C1orf54: variants seen among roughly 807,000 people sequenced by gnomAD.
C1orf54 encodes the protein uncharacterized protein C1orf54.
A neutral mutation model predicts 14.7 loss-of-function variants in C1orf54; 12 were observed. That is an observed-to-expected ratio of 0.82 (90% CI 0.52 to 1.32). C1orf54 has a LOEUF of 1.32. Among genes scored for constraint, C1orf54 ranks in the 40% most tolerant of loss-of-function variants. C1orf54 has a pLI of 0.00. For missense variants in C1orf54, 163 were observed against 162.2 expected (o/e 1.00, Z -0.03); for synonymous variants, 65 against 56.3 (o/e 1.16, Z -0.70).
intron 3 of C1orf54, 129 bp from the exon 4 acceptor site, chr1:150,276,393 G>A (rs1003787393): frequency 1.1e-5 from 8 of 702,340 alleles, no homozygotes; most frequent in East Asian, 2.6e-5. Flanking sequence ...AGGGTAGGGG[G>A]GAATCCCTGA....
rs74968977 is a variant in C1orf54, at chr1:150,276,557, G to C, written c.225G>C (p.Glu75Asp). 1.9e-6 allele frequency: 3 copies of C among 1,614,110 alleles called. No homozygotes were observed. In the African/African-American group the frequency reaches 4.0e-5, roughly 22 times the overall value. ...RLDKDITEAI[E>D]TTISLETARA... ...ATAAGGACATAACAGAAGCAATAGA[G>C]ACTACCATTAGTCTTGAAACAGCAC... Residue 75 changes from glutamate (E) to aspartate (D), a missense_variant, in exon 4 of 6, where the codon GAG (glutamate) becomes GAC (aspartate). Physicochemically the swap from Glu to Asp is conservative, Grantham distance 45. Coordinates refer to ENST00000369099, the MANE Select transcript of C1orf54 (RefSeq NM_024579.4).
chr1:150,276,973 G>T (rs1309325857), intron 4 of C1orf54, among the ~76,000 whole-genome samples: 5 of 152,112 alleles, frequency 3.3e-5, no homozygotes, highest in African/African-American at 7.2e-5. Context: ...GAAACACTTA[G>T]AACAAAATGA....
At position 150,272,971 on chromosome 1, in the gene C1orf54, T is replaced by TAA; in HGVS notation, c.46+109_46+110insAA. 7.2e-6 allele frequency: 9 copies of TAA among 1,248,286 alleles called. No homozygotes were observed. The South Asian group carries it at 9.8e-5, about 14-fold the overall frequency. 77.3% of individuals were successfully genotyped at this position (1,248,286 alleles called of 1,614,324 possible). A position where few individuals can be genotyped will look rare whatever the true frequency, so the allele number is the denominator to read the frequency against. On this transcript the variant is annotated intron_variant, in intron 1 of 5. Transcript: ENST00000369099. Reference sequence around the variant, plus strand: ...AGAGGTACATTTCAGTGGGGAGCGATAGAGTTTTCTCATCGTGCTGGGGTC... The same window carrying TAA: ...AGAGGTACATTTCAGTGGGGAGCGATAAAGAGTTTTCTCATCGTGCTGGGGTC...
At chr1:150,268,959 G>C (rs200241539), upstream of C1orf54, 140 of 641,730 alleles carry the variant, frequency 2.2e-4, 1 homozygote, top group South Asian at 1.5e-3. Flanking sequence ...AAGGGGAAGG[G>C]GGGGAACCGA....
intron 5 of C1orf54, 62 bp downstream of exon 5, chr1:150,279,803 C>G (rs1652953602): frequency 7.3e-7 from 1 of 1,368,068 alleles, no homozygotes; most frequent in African/African-American, 1.4e-5. Context: ...ACTTCCCACA[C>G]TAAACCGAAG....
In C1orf54 at chr1:150,272,809, G is replaced by C. The variant is rs781858299; in HGVS notation, c.-9G>C. 1 of 1,614,118 alleles carries C rather than the reference G, an allele frequency of 6.2e-7. No homozygotes were observed. The highest frequency in any genetic ancestry group is 1.1e-5 in the South Asian group (1 of 91,092). Reference sequence around the variant, plus strand: ...TTTTTACTTTCACAGCAATAGTGCAGAATCCAGAATGGATGTCCTCTTTGT... The same window carrying C: ...TTTTTACTTTCACAGCAATAGTGCACAATCCAGAATGGATGTCCTCTTTGT... On this transcript the variant is annotated 5_prime_UTR_variant, in exon 1 of 6. Transcript: ENST00000369099.
chr1:150,273,975 G>T, intron 1 of C1orf54, 112 bp from the exon 2 acceptor site: 1 of 711,700 alleles, frequency 1.4e-6, no homozygotes. Flanking sequence ...GAGAGAGAGA[G>T]AGAAAAGAAA....
chr1:150,279,717 G>A lies in C1orf54; in HGVS notation c.375G>A (p.Gln125=), dbSNP rs1652947724. 3 of 1,612,728 alleles carry A rather than the reference G, an allele frequency of 1.9e-6. No homozygotes were observed. Among genetic ancestry groups the A allele is most frequent in the South Asian group, 1.1e-5 (1 of 90,782 alleles). Residue 125 remains glutamine (Q), a synonymous_variant, in exon 5 of 6, where the codon CAG becomes CAA. Transcript: ENST00000369099. ...TCCTCCTGTCGTGTGCCTTTGTTCAGGTGGGGATGTATTTCATGTAGAAGG... is the reference window on the plus strand; with the variant it reads ...TCCTCCTGTCGTGTGCCTTTGTTCAAGTGGGGATGTATTTCATGTAGAAGG... ...IPLLLSCAFV[Q]VGMYFM is the part of the protein sequence containing the mutation.
rs781940803 is a variant in C1orf54, at chr1:150,274,095, T to C, written c.55T>C (p.Tyr19His). 3 of 1,610,596 alleles carry C rather than the reference T, an allele frequency of 1.9e-6. No homozygotes were observed. The Admixed American group carries it at 5.0e-5, about 27-fold the overall frequency. ...AGTCCTTGTCCCCATAGGACAAGAA[T>C]ATGAGGATGAAGAAAGACTGGGAGA... ...FAVPLILGQEYEDEERLGEDE... is the reference protein window; with the variant it reads ...FAVPLILGQEHEDEERLGEDE... Residue 19 changes from tyrosine to histidine, a missense_variant, in exon 2 of 6, where the codon TAT (tyrosine) becomes CAT (histidine). Physicochemically the swap from Tyr to His is moderately conservative, Grantham distance 83. Coordinates refer to ENST00000369099, the MANE Select transcript of C1orf54 (RefSeq NM_024579.4).
intron 2 of C1orf54, 123 bp downstream of exon 2, chr1:150,274,293 AC>A: frequency 1.4e-6 from 1 of 710,118 alleles, no homozygotes; most frequent in South Asian, 1.7e-5. Context: ...CTGGCTATGA[AC>A]AAAACCTATC....
upstream of C1orf54, chr1:150,268,944 CG>C (rs1652006153): frequency 1.4e-6 from 1 of 700,356 alleles, no homozygotes; most frequent in Non-Finnish European, 2.4e-6. Context: ...CCCCAGACCC[CG>C]GGGAAGGGGA....
rs782428999 is a variant in C1orf54 at position 150,275,809 on chromosome 1, C to T, written c.189+10C>T. The stretch of plus-strand genomic sequence containing the variant: ...GTCAGAGGACAGGCTGGTGAGTGAA[C>T]TCTACATCTAAAAGGGTTAGGATAA... On this transcript the variant is annotated intron_variant, in intron 3 of 5. Transcript: ENST00000369099. 1 of 1,603,376 alleles carries T rather than the reference C, an allele frequency of 6.2e-7. No individual in the cohort carries two copies. Among genetic ancestry groups the T allele is most frequent in the African/African-American group, 1.3e-5 (1 of 74,610 alleles).
intron 2 of C1orf54, 92 bp from the exon 3 acceptor site, chr1:150,275,649 T>C: frequency 9.9e-7 from 1 of 1,006,728 alleles, no homozygotes; most frequent in Non-Finnish European, 1.5e-6. Flanking sequence ...CAACTTAAGT[T>C]AAACTATTCT....
chr1:150,275,226 C>A (rs1652548466), intron 2 of C1orf54, among the ~76,000 whole-genome samples: 1 of 151,922 alleles, frequency 6.6e-6, no homozygotes, highest in South Asian at 2.1e-4. Context: ...TTAGTAGAGA[C>A]AAGGTGTCAC....
chr1:150,279,701 C>G lies in C1orf54; in HGVS notation c.359C>G (p.Ser120Trp), dbSNP rs782516643. The change falls in exon 5 of 6, where the codon TCG becomes TGG. Residue 120 changes from serine to tryptophan, a missense_variant. Coordinates refer to ENST00000369099, the MANE Select transcript of C1orf54 (RefSeq NM_024579.4). ...SLRSPIPLLLSCAFVQVGMYF... is the reference protein window; with the variant it reads ...SLRSPIPLLLWCAFVQVGMYF... ...CGAAGTCCTATTCCCCTCCTCCTGTCGTGTGCCTTTGTTCAGGTGGGGATG... is the reference window on the plus strand; with the variant it reads ...CGAAGTCCTATTCCCCTCCTCCTGTGGTGTGCCTTTGTTCAGGTGGGGATG... 1 of 1,613,158 alleles carries G rather than the reference C, an allele frequency of 6.2e-7. No individual in the cohort carries two copies. Among genetic ancestry groups the G allele is most frequent in the Admixed American group, 1.7e-5 (1 of 59,868 alleles).
At chr1:150,272,363 G>GA (rs1652268518), upstream of C1orf54, 1 of 167,728 alleles carries the variant, frequency 6.0e-6, no homozygotes, top group Non-Finnish European at 1.3e-5. Context: ...CCACTGTGAC[G>GA]AAAAGAGACT....
chr1:150,279,618 T>C, intron 4 of C1orf54, 25 bp from the exon 5 acceptor site: 6 of 1,598,608 alleles, frequency 3.8e-6, no homozygotes, highest in Non-Finnish European at 5.1e-6. Flanking sequence ...CAGCCTACTG[T>C]GTGGGGATGT....
chr1:150,268,829 G>GT, upstream of C1orf54: 19 of 1,603,468 alleles, frequency 1.2e-5, no homozygotes, highest in Non-Finnish European at 1.5e-5. Flanking sequence ...AGGTGGGAAG[G>GT]GGGGTGGGGG....
chr1:150,268,772 C>T (rs1379715472), upstream of C1orf54: 2 of 1,613,648 alleles, frequency 1.2e-6, no homozygotes, highest in African/African-American at 2.7e-5. Flanking sequence ...CCGGGCCGAA[C>T]GCGACGAAAG....
Sources: gnomAD v4.1 joint callset for allele counts (sites outside exome capture counted in the v4.1 genomes callset) on GRCh38, gnomAD v4.1.1 for gene constraint, MANE v1.5 for transcripts, NCBI Gene and HGNC (gene_info 2026-07-23, HGNC 2026-07-21) for gene names.